Variants in PDS5B observed in about 807,000 individuals in gnomAD.
PDS5B encodes PDS5 cohesin associated factor B.
In PDS5B, 51 loss-of-function variants were observed where a neutral mutation model predicts 184.1. That is an observed-to-expected ratio of 0.28 (90% CI 0.22 to 0.35). The LOEUF (loss-of-function observed/expected upper bound fraction) is 0.35. Among genes scored for constraint, PDS5B ranks in the 10% least tolerant of loss-of-function variants. The probability of loss-of-function intolerance (pLI) is 1.00; values close to 1 mark genes in which losing one functional copy is unlikely to be tolerated. For missense variants in PDS5B, 1,180 were observed against 1,723.3 expected (o/e 0.68, Z 5.58); for synonymous variants, 566 against 569.2 (o/e 0.99, Z 0.08).
chr13:32,699,689 TA>T (rs571075625), intron 15 of PDS5B, 40 bp from the exon 16 acceptor site: 47 of 1,175,318 alleles, frequency 4.0e-5, no homozygotes, highest in Middle Eastern at 2.6e-4. Context: ...TTTTAAGAAT[TA>T]AAAAAAATTG....
intron 19 of PDS5B, among the ~76,000 whole-genome samples, chr13:32,716,177 G>A (rs1167950710): frequency 6.4e-5 from 1 of 15,684 alleles, no homozygotes; most frequent in Admixed American, 7.7e-4. Flanking sequence ...ATAGTGAGGA[G>A]CGTCTCTGCC....
intron 19 of PDS5B, among the ~76,000 whole-genome samples, chr13:32,722,180 C>T (rs569172864): frequency 6.6e-6 from 1 of 152,352 alleles, no homozygotes; most frequent in African/African-American, 2.4e-5. Flanking sequence ...CACGGCGAAA[C>T]CCCGTCTCCA....
intron 33 of PDS5B, among the ~76,000 whole-genome samples, chr13:32,772,555 G>A (rs564533488): frequency 9.9e-5 from 15 of 152,168 alleles, no homozygotes; most frequent in Non-Finnish European, 2.2e-4. Context: ...CTAAAGGAAG[G>A]CAAGGGTTTG....
chr13:32,650,216 G>A (rs1318696490), intron 2 of PDS5B: 3 of 152,084 alleles, frequency 2.0e-5, no homozygotes. Flanking sequence ...AACAAACTTT[G>A]TGGTTATTGT....
chr13:32,693,793 A>G (rs1353330603), intron 13 of PDS5B, among the ~76,000 whole-genome samples: 1 of 151,538 alleles, frequency 6.6e-6, no homozygotes, highest in Non-Finnish European at 1.5e-5. Flanking sequence ...AGAGAACATC[A>G]GAGTTTTTGA....
At chr13:32,751,718 A>T (rs556695379) in intron 24 of PDS5B, among the ~76,000 whole-genome samples, 85 of 152,024 alleles carry the variant, frequency 5.6e-4, no homozygotes, top group African/African-American at 2.0e-3. Context: ...TTTGTTTGTT[A>T]ATTTATTTAA....
intron 1 of PDS5B, among the ~76,000 whole-genome samples, chr13:32,638,767 G>A (rs2058607749): frequency 6.6e-6 from 1 of 152,076 alleles, no homozygotes. Context: ...GAAGGGGTTA[G>A]TGTTTTGATG....
At chr13:32,593,501 C>T (rs1012225838) in intron 1 of PDS5B, among the ~76,000 whole-genome samples, 15 of 152,088 alleles carry the variant, frequency 9.9e-5, no homozygotes, top group Admixed American at 5.2e-4. Flanking sequence ...CCACCACGCC[C>T]GGCTAATTTT....
At chr13:32,756,150 A>G (rs1262410851) in intron 26 of PDS5B, among the ~76,000 whole-genome samples, 194 bp downstream of exon 26, 2 of 151,956 alleles carry the variant, frequency 1.3e-5, no homozygotes, top group Non-Finnish European at 2.9e-5. Context: ...TAGTTTCCCA[A>G]AACTTAATCA....
chr13:32,716,365 A>T (rs1048027081), intron 19 of PDS5B, among the ~76,000 whole-genome samples: 1 of 149,832 alleles, frequency 6.7e-6, no homozygotes, highest in Non-Finnish European at 1.5e-5. Flanking sequence ...CCCGTCTGGG[A>T]GGTGAGGAGT....
At chr13:32,678,963 G>C (rs759634308) in intron 10 of PDS5B, 34 bp downstream of exon 10, 1 of 1,114,910 alleles carries the variant, frequency 9.0e-7, no homozygotes, top group Non-Finnish European at 1.4e-6. Flanking sequence ...ATATTCTTAC[G>C]TGCTCTTCAG....
intron 13 of PDS5B, among the ~76,000 whole-genome samples, chr13:32,692,138 T>C (rs1951567016): frequency 6.6e-6 from 1 of 152,250 alleles, no homozygotes; most frequent in Non-Finnish European, 1.5e-5. Context: ...TTGGTTAGAA[T>C]TCCTCTTATT....
At chr13:32,734,048 GAT>G (rs1328628837) in intron 20 of PDS5B, among the ~76,000 whole-genome samples, 1 of 140,356 alleles carries the variant, frequency 7.1e-6, no homozygotes, top group African/African-American at 3.1e-5. Context: ...TTTTTTCTGA[GAT>G]AGAGTCTTGC....
intron 3 of PDS5B, among the ~76,000 whole-genome samples, chr13:32,655,715 C>T (rs1317029599): frequency 2.0e-5 from 3 of 151,912 alleles, no homozygotes; most frequent in Admixed American, 6.6e-5. Context: ...TAATTAAGTT[C>T]CTTATACCTT....
intron 6 of PDS5B, among the ~76,000 whole-genome samples, chr13:32,660,807 T>A (rs966508473): frequency 6.6e-6 from 1 of 151,944 alleles, no homozygotes; most frequent in African/African-American, 2.4e-5. Flanking sequence ...AAACTTCCTG[T>A]CTCTAAGTAC....
At position 32,713,586 on chromosome 13, in the gene PDS5B, G is replaced by C. The variant is rs564363160; in HGVS notation, c.2123+3480G>C. On this transcript the variant is annotated intron_variant, in intron 19 of 34. Coordinates refer to ENST00000315596, the MANE Select transcript of PDS5B (RefSeq NM_015032.4). ...AGCAGAATAAACAATGTGGAAGATG[G>C]AATCAGTAAGCTAGAGATTTGGCTT... is the stretch of plus-strand genomic sequence containing the variant. 1.7e-3 allele frequency among the ~76,000 whole-genome samples: 257 copies of C among 152,276 alleles called. 4 individuals carry two copies. The South Asian group carries it at 0.029, about 17-fold the overall frequency.
chr13:32,716,885 G>A (rs1952456072), intron 19 of PDS5B, among the ~76,000 whole-genome samples: 1 of 118,282 alleles, frequency 8.5e-6, no homozygotes, highest in Non-Finnish European at 1.9e-5. Flanking sequence ...CGTCCGGGAG[G>A]TGAGGGGTGC....
intron 3 of PDS5B, 138 bp downstream of exon 3, chr13:32,652,145 G>GTT (rs34522910): frequency 0.026 from 12,089 of 467,156 alleles, 13 homozygotes; most frequent in South Asian, 0.056. Context: ...TAAACTTAAT[G>GTT]TTTTTTTTTT....
At chr13:32,628,916 T>G (rs2058413472) in intron 1 of PDS5B, among the ~76,000 whole-genome samples, 2 of 152,240 alleles carry the variant, frequency 1.3e-5, no homozygotes, top group African/African-American at 4.8e-5. Context: ...TCTAGTACAT[T>G]TATATTGACA....
Sources: allele counts gnomAD v4.1 joint callset (sites outside exome capture counted in the v4.1 genomes callset), GRCh38; gene constraint gnomAD v4.1.1; transcripts MANE v1.5; gene names NCBI Gene and HGNC (gene_info 2026-07-23, HGNC 2026-07-21).